Variants in SOX5 observed in about 807,000 individuals in gnomAD.
SOX5 encodes the protein SRY-box transcription factor 5, also known as transcription factor SOX-5.
Under a neutral mutation model 92.0 loss-of-function variants are expected in SOX5, and 9 were observed. The ratio of observed to expected loss-of-function variants is 0.10; its 90% CI spans 0.06 to 0.17. The LOEUF is 0.17. SOX5 is among the 10% of genes least tolerant of loss of function. SOX5 has a pLI of 1.00. For synonymous variants in SOX5, 344 were observed against 336.3 expected, an observed-to-expected ratio of 1.02 and a Z score of -0.25; for missense variants, 642 against 944.5, an observed-to-expected ratio of 0.68 and a Z score of 4.20.
intron 1 of SOX5, among the ~76,000 whole-genome samples, chr12:24,545,730 G>A (rs1952562268): frequency 6.6e-6 from 1 of 152,200 alleles, no homozygotes; most frequent in African/African-American, 2.4e-5. Flanking sequence ...CAGCTGCCAG[G>A]AGTATCGGCT....
chr12:23,856,179 C>A (rs948459805), intron 2 of SOX5, among the ~76,000 whole-genome samples: 3 of 152,038 alleles, frequency 2.0e-5, no homozygotes, highest in African/African-American at 7.2e-5. Flanking sequence ...AAGGACCATC[C>A]CACAGCACAC....
chr12:24,021,759 A>G (rs1339744971), intron 4 of SOX5, among the ~76,000 whole-genome samples: 2 of 152,174 alleles, frequency 1.3e-5, no homozygotes, highest in African/African-American at 2.4e-5. Context: ...AGAGATGCTC[A>G]TCATCGTGGA....
In SOX5 at chr12:24,175,123, T is replaced by C. The variant is rs180774286; in HGVS notation, c.-2+38220A>G. ...CAACATTTGTTAGTTATATTTGGAA[T>C]CATACTGTACATGGCAATTAAAGTT... On this transcript the variant is annotated intron_variant, in intron 4 of 4. Transcript: ENST00000446891. 1.6e-4 allele frequency among the ~76,000 whole-genome samples: 24 copies of C among 152,380 alleles called. No homozygotes were observed. In the East Asian group the frequency reaches 3.5e-3, roughly 22 times the overall value.
intron 2 of SOX5, chr12:24,357,248 T>A (rs1954951405): frequency 6.6e-6 from 1 of 152,134 alleles, no homozygotes; most frequent in African/African-American, 2.4e-5. Flanking sequence ...CGAGGTGAAA[T>A]ATTTAAGAAA....
chr12:24,336,131 G>T (rs1951868792), intron 2 of SOX5, among the ~76,000 whole-genome samples: 1 of 151,268 alleles, frequency 6.6e-6, no homozygotes, highest in Non-Finnish European at 1.5e-5. Context: ...GTCTCGCTCT[G>T]TCACCCAGGC....
chr12:23,983,087 C>T (rs1949737958), intron 4 of SOX5, among the ~76,000 whole-genome samples: 1 of 148,928 alleles, frequency 6.7e-6, no homozygotes, highest in African/African-American at 2.5e-5. Flanking sequence ...GTTTGGTAGT[C>T]ACTGGGATCT....
At chr12:23,561,621 G>C (rs1006739513) in intron 11 of SOX5, among the ~76,000 whole-genome samples, 3 of 152,076 alleles carry the variant, frequency 2.0e-5, no homozygotes, top group African/African-American at 7.2e-5. Context: ...TCATGAAGAT[G>C]AATTTCCATA....
intron 4 of SOX5, among the ~76,000 whole-genome samples, chr12:24,122,735 T>C (rs912687890): frequency 2.6e-5 from 4 of 152,204 alleles, no homozygotes; most frequent in African/African-American, 9.6e-5. Flanking sequence ...AGATAAACTA[T>C]TGTGTCTTTG....
intron 4 of SOX5, among the ~76,000 whole-genome samples, chr12:24,055,876 T>C (rs1958044453): frequency 6.6e-6 from 1 of 152,202 alleles, no homozygotes; most frequent in Non-Finnish European, 1.5e-5. Context: ...TTCCTGTTAG[T>C]GTTCAAAGGT....
At chr12:24,147,993 A>G (rs907358661) in intron 4 of SOX5, among the ~76,000 whole-genome samples, 1 of 152,210 alleles carries the variant, frequency 6.6e-6, no homozygotes, top group African/African-American at 2.4e-5. Flanking sequence ...ATAGATTATG[A>G]ACAATGATTC....
At chr12:23,894,850 G>C (rs1477854015) in intron 2 of SOX5, among the ~76,000 whole-genome samples, 2 of 152,088 alleles carry the variant, frequency 1.3e-5, no homozygotes, top group African/African-American at 2.4e-5. Flanking sequence ...ATATATTTTT[G>C]TTGGTGTAAT....
intron 2 of SOX5, among the ~76,000 whole-genome samples, chr12:24,363,313 GTCTCT>G (rs1160660679): frequency 6.6e-6 from 1 of 151,914 alleles, no homozygotes; most frequent in Non-Finnish European, 1.5e-5. Flanking sequence ...CTTCCCCTCT[GTCTCT>G]TCTTTCTGCC....
At chr12:24,440,144 T>C (rs1940244316) in intron 1 of SOX5, among the ~76,000 whole-genome samples, 1 of 152,146 alleles carries the variant, frequency 6.6e-6, no homozygotes. Flanking sequence ...GGCTGGGACT[T>C]ATGTCCTACC....
chr12:24,481,531 C>T (rs1214914728), intron 1 of SOX5, among the ~76,000 whole-genome samples: 1 of 151,888 alleles, frequency 6.6e-6, no homozygotes, highest in East Asian at 1.9e-4. Context: ...TCTCATGTAC[C>T]CCATAAATAT....
intron 4 of SOX5, among the ~76,000 whole-genome samples, chr12:24,070,586 T>A (rs7136569): frequency 0.26 from 38,276 of 148,834 alleles, 5,139 homozygotes; most frequent in Non-Finnish European, 0.29. Context: ...TATTGTTTTT[T>A]AAAAAAAAAA....
chr12:23,795,687 G>A (rs2095550219), intron 3 of SOX5, among the ~76,000 whole-genome samples: 1 of 152,144 alleles, frequency 6.6e-6, no homozygotes, highest in African/African-American at 2.4e-5. Context: ...GGACTAGCCA[G>A]GCAACAGAGC....
chr12:24,465,710 A>C (rs1412266411), intron 1 of SOX5, among the ~76,000 whole-genome samples: 1 of 152,244 alleles, frequency 6.6e-6, no homozygotes, highest in Non-Finnish European at 1.5e-5. Flanking sequence ...AAGTGAAATT[A>C]TATTAGTCAG....
At chr12:24,112,202 G>C (rs1342628377) in intron 4 of SOX5, among the ~76,000 whole-genome samples, 1 of 152,220 alleles carries the variant, frequency 6.6e-6, no homozygotes, top group African/African-American at 2.4e-5. Flanking sequence ...AGTGAAACTG[G>C]AAAGTTTGAG....
chr12:24,204,382 G>A (rs1338370573), intron 4 of SOX5, among the ~76,000 whole-genome samples: 1 of 151,856 alleles, frequency 6.6e-6, no homozygotes, highest in Non-Finnish European at 1.5e-5. Flanking sequence ...AGGCTGGAGT[G>A]CAGTGGCACA....
Sources: gnomAD v4.1 joint callset for allele counts (sites outside exome capture counted in the v4.1 genomes callset) on GRCh38, gnomAD v4.1.1 for gene constraint, MANE v1.5 for transcripts, NCBI Gene and HGNC (gene_info 2026-07-23, HGNC 2026-07-21) for gene names.